Variants in FSHR observed in about 807,000 individuals in gnomAD.
The protein encoded by FSHR is follicle stimulating hormone receptor.
FSHR carries 46 observed loss-of-function variants against 52.1 expected under a neutral mutation model. The ratio of observed to expected loss-of-function variants is 0.88; its 90% CI spans 0.70 to 1.13. The LOEUF is 1.13. FSHR is among the 50% of genes most tolerant of loss of function. The pLI is 0.00. For synonymous variants in FSHR, 399 were observed against 309.6 expected (o/e 1.29, Z -3.03); for missense variants, 964 against 834.6 (o/e 1.16, Z -1.91).
intron 1 of FSHR, among the ~76,000 whole-genome samples, chr2:49,113,453 C>A (rs1417847766): frequency 6.6e-6 from 1 of 152,206 alleles, no homozygotes; most frequent in African/African-American, 2.4e-5. Flanking sequence ...GCCACATACT[C>A]ACCTTATGTT....
At chr2:48,988,931 T>C (rs544502347) in intron 6 of FSHR, 46 bp downstream of exon 6, 50 of 1,516,918 alleles carry the variant, frequency 3.3e-5, no homozygotes, top group Non-Finnish European at 4.3e-5. Context: ...GATCACTAAA[T>C]GAAAAATCAA....
intron 2 of FSHR, among the ~76,000 whole-genome samples, chr2:49,024,157 T>C (rs1034485226): frequency 2.6e-5 from 4 of 152,118 alleles, no homozygotes; most frequent in Admixed American, 6.6e-5. Flanking sequence ...CTGTGACCAG[T>C]AGTTAAAGGC....
At chr2:48,987,978 T>C (rs1675595404) in intron 6 of FSHR, among the ~76,000 whole-genome samples, 1 of 152,182 alleles carries the variant, frequency 6.6e-6, no homozygotes, top group African/African-American at 2.4e-5. Context: ...TTGATTTAAT[T>C]TTATTGTTCC....
chr2:49,091,285 T>C (rs1014248128), intron 1 of FSHR, among the ~76,000 whole-genome samples: 1 of 152,140 alleles, frequency 6.6e-6, no homozygotes, highest in African/African-American at 2.4e-5. Context: ...AATTTTTGTG[T>C]ACGGTATGAG....
intron 1 of FSHR, among the ~76,000 whole-genome samples, chr2:49,083,294 C>A (rs1005388213): frequency 4.7e-5 from 7 of 147,764 alleles, no homozygotes; most frequent in Non-Finnish European, 7.5e-5. Context: ...CAAGCAAATG[C>A]TGAGAGATTT....
chr2:49,132,029 T>C (rs1188106829), intron 1 of FSHR, among the ~76,000 whole-genome samples: 1 of 152,188 alleles, frequency 6.6e-6, no homozygotes, highest in Non-Finnish European at 1.5e-5. Flanking sequence ...TTTTCTGTGT[T>C]TGTGCATGTG....
intron 2 of FSHR, among the ~76,000 whole-genome samples, chr2:49,051,698 GT>G (rs1277706923): frequency 1.3e-5 from 2 of 151,868 alleles, no homozygotes; most frequent in Admixed American, 6.6e-5. Context: ...AAAAGCAGAA[GT>G]TTTTTCTTTT....
intron 2 of FSHR, among the ~76,000 whole-genome samples, chr2:49,059,204 A>C (rs1669190189): frequency 6.6e-6 from 1 of 152,094 alleles, no homozygotes; most frequent in African/African-American, 2.4e-5. Context: ...TGTCTCTAAA[A>C]ATTAAAAAAA....
intron 6 of FSHR, among the ~76,000 whole-genome samples, chr2:48,984,402 G>C (rs905841667): frequency 6.6e-6 from 1 of 152,174 alleles, no homozygotes; most frequent in Non-Finnish European, 1.5e-5. Context: ...GTGGCATGTG[G>C]ATCCCTGGGG....
At chr2:48,993,432 C>A (rs1466534456) in intron 4 of FSHR, among the ~76,000 whole-genome samples, 2 of 152,148 alleles carry the variant, frequency 1.3e-5, no homozygotes, top group East Asian at 3.9e-4. Context: ...TCCAGCCCAT[C>A]TCAAAGTCCT....
rs1675725399 is a variant in FSHR, at chr2:48,990,595, G to A, written c.417C>T (p.His139=). The A allele has an allele frequency of 6.2e-7, 1 of 1,611,902 alleles. No individual in the cohort carries two copies. Among genetic ancestry groups the A allele is most frequent in the South Asian group, 1.1e-5 (1 of 91,040 alleles). ...NTGIKHLPDV[H]KIHSLQKVLL... ...AAACTTTTTGGAGAGAATGAATCTT[G>A]TGAACATCTGGAAGGTGCTTAATAC... Residue 139 remains histidine, a synonymous_variant, in exon 5 of 10, where the codon CAC becomes CAT. Coordinates refer to ENST00000406846, the MANE Select transcript of FSHR (RefSeq NM_000145.4).
intron 1 of FSHR, among the ~76,000 whole-genome samples, chr2:49,130,155 A>C (rs1435209967): frequency 6.6e-6 from 1 of 152,102 alleles, no homozygotes; most frequent in East Asian, 1.9e-4. Flanking sequence ...GCTTTTTCTG[A>C]GAAAGAGGAT....
At chr2:49,144,746 T>A (rs1369691778) in intron 1 of FSHR, among the ~76,000 whole-genome samples, 2 of 152,136 alleles carry the variant, frequency 1.3e-5, no homozygotes, top group African/African-American at 4.8e-5. Context: ...CTTTGATGGG[T>A]ACATGGTAGT....
chr2:49,062,137 T>C (rs746603026), intron 2 of FSHR, among the ~76,000 whole-genome samples: 56 of 151,918 alleles, frequency 3.7e-4, no homozygotes, highest in Admixed American at 7.2e-4. Flanking sequence ...GCAAAAAGAA[T>C]AAAGCTGAAG....
At chr2:48,991,780 A>G (rs1311018639) in intron 4 of FSHR, among the ~76,000 whole-genome samples, 1 of 152,156 alleles carries the variant, frequency 6.6e-6, no homozygotes, top group South Asian at 2.1e-4. Flanking sequence ...GAGTTATTTG[A>G]AATCCTTCTA....
chr2:48,998,096 A>G lies in FSHR; in HGVS notation c.375-7459T>C, dbSNP rs555896268. Among the ~76,000 whole-genome samples the G allele has an allele frequency of 6.6e-5, 10 of 152,162 alleles. No individual in the cohort carries two copies. The East Asian group carries it at 1.7e-3, about 26-fold the overall frequency. On this transcript the variant is annotated intron_variant, in intron 4 of 9. Coordinates refer to ENST00000406846, the MANE Select transcript of FSHR (RefSeq NM_000145.4). ...TTTGTTGAAGTCAAGGAAAACTACT[A>G]CCTAGAGTTGATAAATTAAAGATGA...
chr2:49,082,926 A>G (rs111934068), intron 1 of FSHR, among the ~76,000 whole-genome samples: 1 of 151,716 alleles, frequency 6.6e-6, no homozygotes, highest in African/African-American at 2.4e-5. Context: ...ACTCTGCAGG[A>G]TATTATCCAG....
At chr2:49,095,496 A>C (rs990318165) in intron 1 of FSHR, among the ~76,000 whole-genome samples, 7 of 152,220 alleles carry the variant, frequency 4.6e-5, no homozygotes, top group African/African-American at 1.4e-4. Flanking sequence ...TAAAGATCAA[A>C]TTGTAAGAGC....
chr2:48,966,735 T>C (rs1188871728), intron 9 of FSHR, among the ~76,000 whole-genome samples: 1 of 152,228 alleles, frequency 6.6e-6, no homozygotes, highest in Non-Finnish European at 1.5e-5. Context: ...GTGAATTTGA[T>C]AAATATGAAA....
Sources: gnomAD v4.1 joint callset for allele counts (sites outside exome capture counted in the v4.1 genomes callset) on GRCh38, gnomAD v4.1.1 for gene constraint, MANE v1.5 for transcripts, NCBI Gene and HGNC (gene_info 2026-07-23, HGNC 2026-07-21) for gene names.